The following WASHC4 variants were observed in gnomAD, a reference collection of about 807,000 sequenced individuals.
The protein encoded by WASHC4 is WASH complex subunit 7.
Under a neutral mutation model 166.6 loss-of-function variants are expected in WASHC4, and 86 were observed. The ratio of observed to expected loss-of-function variants is 0.52; its 90% CI spans 0.43 to 0.62. WASHC4 has a LOEUF of 0.62. WASHC4 is among the 20% of genes least tolerant of loss of function. The probability of loss-of-function intolerance (pLI) is 0.00; values close to 1 mark genes in which losing one functional copy is unlikely to be tolerated. For synonymous variants in WASHC4, 446 were observed against 451.6 expected, an observed-to-expected ratio of 0.99 and a Z score of 0.16; for missense variants, 1,262 against 1,382.4, an observed-to-expected ratio of 0.91 and a Z score of 1.38.
At chr12:105,166,153 T>A (rs1253483642) in intron 32 of WASHC4, among the ~76,000 whole-genome samples, 6 of 152,210 alleles carry the variant, frequency 3.9e-5, no homozygotes, top group African/African-American at 1.4e-4. Flanking sequence ...CTTAAGGAAC[T>A]CTCCAGAGTT....
chr12:105,115,532 A>G (rs1047189633), intron 5 of WASHC4, 129 bp from the exon 6 acceptor site: 2 of 700,036 alleles, frequency 2.9e-6, no homozygotes, highest in African/African-American at 1.8e-5. Flanking sequence ...TGGTGTAAAA[A>G]TTCTGTTTTC....
intron 6 of WASHC4, among the ~76,000 whole-genome samples, chr12:105,116,924 C>G (rs1049098028): frequency 6.6e-5 from 10 of 152,076 alleles, no homozygotes; most frequent in African/African-American, 1.9e-4. Flanking sequence ...GAAACTGATG[C>G]CTATGCTGAG....
At chr12:105,139,876 T>C (rs1882669620) in intron 15 of WASHC4, among the ~76,000 whole-genome samples, 1 of 152,112 alleles carries the variant, frequency 6.6e-6, no homozygotes, top group South Asian at 2.1e-4. Flanking sequence ...ATCAGTTCTA[T>C]ACTTTGTAAG....
chr12:105,136,205 G>A (rs961557231), intron 14 of WASHC4, among the ~76,000 whole-genome samples: 1 of 152,104 alleles, frequency 6.6e-6, no homozygotes, highest in East Asian at 1.9e-4. Context: ...AACCAGCTCC[G>A]ATGAGCCCCA....
chr12:105,139,724 C>A (rs1053137976), intron 15 of WASHC4, among the ~76,000 whole-genome samples: 1 of 151,462 alleles, frequency 6.6e-6, no homozygotes, highest in African/African-American at 2.4e-5. Context: ...CAAAATCTTT[C>A]ATTCATTTTG....
intron 1 of WASHC4, among the ~76,000 whole-genome samples, chr12:105,108,893 G>A (rs954856562): frequency 1.3e-5 from 2 of 152,192 alleles, no homozygotes; most frequent in Admixed American, 6.5e-5. Flanking sequence ...CTACATCCAG[G>A]ATGGGTTGCA....
Position 105,167,036 on chromosome 12 carries a change from C to A in WASHC4, c.*105C>A. On this transcript the variant is annotated 3_prime_UTR_variant, in exon 33 of 33. Transcript: ENST00000332180. ...ATGAATTGTTTCCTGGGTCACATCT[C>A]TGGAAAATAGATGTTACAGTTCTTA... 1 of 797,822 alleles carries A rather than the reference C, an allele frequency of 1.3e-6. No homozygotes were observed. Among genetic ancestry groups the A allele is most frequent in the South Asian group, 1.4e-5 (1 of 73,038 alleles). 49.4% of individuals were successfully genotyped at this position (797,822 alleles called of 1,614,324 possible).
Position 105,162,792 on chromosome 12 carries a change from T to C in WASHC4, c.3104T>C (p.Leu1035Ser). The change falls in exon 30 of 33, where the codon TTA becomes TCA. Residue 1035 changes from leucine to serine, a missense_variant. Coordinates refer to ENST00000332180, the MANE Select transcript of WASHC4 (RefSeq NM_015275.3). ...VEHSISCKEKLNKKNKIGAAF... is the reference protein window; with the variant it reads ...VEHSISCKEKSNKKNKIGAAF... ...CATTCCATTAGTTGCAAGGAAAAAT[T>C]AAATAAAAAAAATAAAATTGGAGCT... 1.2e-6 allele frequency: 2 copies of C among 1,604,844 alleles called. No individual in the cohort carries two copies. The highest frequency in any genetic ancestry group is 1.7e-6 in the Non-Finnish European group (2 of 1,173,614).
chr12:105,148,521 A>G, intron 24 of WASHC4: 1 of 985,404 alleles, frequency 1.0e-6, no homozygotes, highest in Non-Finnish European at 1.2e-6. Context: ...AAATGAGCAT[A>G]GAAGGATAGA....
intron 22 of WASHC4, 76 bp from the exon 23 acceptor site, chr12:105,146,374 TAA>T: frequency 1.1e-6 from 1 of 870,944 alleles, no homozygotes; most frequent in East Asian, 2.5e-5. Context: ...GTATAATCAA[TAA>T]GTCATTATGC....
In WASHC4 at chr12:105,167,311, A is replaced by G. The variant is rs776483359; in HGVS notation, c.*380A>G. 15 of 227,676 alleles carry G rather than the reference A, an allele frequency of 6.6e-5. No homozygotes were observed. The highest frequency in any genetic ancestry group is 1.1e-4 in the Non-Finnish European group (12 of 112,404). The allele number at this position is 227,676 out of a possible 1,614,324, so 14.1% of individuals were successfully genotyped here. On this transcript the variant is annotated 3_prime_UTR_variant, in exon 33 of 33. Coordinates refer to ENST00000332180, the MANE Select transcript of WASHC4 (RefSeq NM_015275.3). Reference sequence around the variant, plus strand: ...GTTATTTCAAGTCATGGGAAATTCAATGCATATACTATATACAGCCAGTAA... The same window carrying G: ...GTTATTTCAAGTCATGGGAAATTCAGTGCATATACTATATACAGCCAGTAA...
At chr12:105,124,458 A>G (rs1307792244) in intron 10 of WASHC4, among the ~76,000 whole-genome samples, 1 of 149,360 alleles carries the variant, frequency 6.7e-6, no homozygotes, top group East Asian at 2.0e-4. Context: ...TTTGCTGTTA[A>G]CCTCTAGGTT....
At position 105,151,855 on chromosome 12, in the gene WASHC4, C is replaced by A. The variant is rs1021130648; in HGVS notation, c.2650-488C>A. 2.0e-5 allele frequency among the ~76,000 whole-genome samples: 3 copies of A among 152,274 alleles called. No homozygotes were observed. In the South Asian group the frequency reaches 6.2e-4, roughly 32 times the overall value. On this transcript the variant is annotated intron_variant, in intron 25 of 32. Transcript: ENST00000332180. The stretch of plus-strand genomic sequence containing the variant: ...CATGCTATTATGTAAGAATTGCTTT[C>A]TTATTATTACAAAATGAATAATTTC...
At chr12:105,136,247 ATGT>A (rs980229685) in intron 14 of WASHC4, among the ~76,000 whole-genome samples, 3 of 152,030 alleles carry the variant, frequency 2.0e-5, no homozygotes, top group African/African-American at 4.8e-5. Flanking sequence ...TCCCTGTGAG[ATGT>A]TGTTGAAAGG....
intron 18 of WASHC4, 122 bp downstream of exon 18, chr12:105,141,368 ACTT>A (rs1882835144): frequency 2.5e-6 from 2 of 801,214 alleles, no homozygotes; most frequent in African/African-American, 3.4e-5. Flanking sequence ...CCTTTCTGTA[ACTT>A]CTTTAGCATG....
At chr12:105,116,410 A>G (rs1231855144) in intron 6 of WASHC4, among the ~76,000 whole-genome samples, 1 of 152,146 alleles carries the variant, frequency 6.6e-6, no homozygotes, top group Non-Finnish European at 1.5e-5. Context: ...GATCTAATTG[A>G]GAGCATTTTG....
intron 7 of WASHC4, among the ~76,000 whole-genome samples, chr12:105,119,624 G>A (rs1880529082): frequency 6.6e-6 from 1 of 152,104 alleles, no homozygotes; most frequent in African/African-American, 2.4e-5. Flanking sequence ...GAGAATGAGA[G>A]TATAGCTTCC....
chr12:105,144,777 G>A lies in WASHC4; in HGVS notation c.2239G>A (p.Asp747Asn). The change falls in exon 22 of 33, where the codon GAC (aspartate) becomes AAC (asparagine). Residue 747 changes from aspartate (D) to asparagine (N), a missense_variant. Transcript: ENST00000332180. ...FYNLTTVALH[D>N]WATYSEMRNL... is the part of the protein sequence containing the mutation. ...CAATCTAACAACTGTAGCCCTTCAT[G>A]ACTGGGCCACTTATAGTGAGATGAG... The A allele has an allele frequency of 6.2e-7, 1 of 1,611,568 alleles. No homozygotes were observed. The highest frequency in any genetic ancestry group is 2.2e-5 in the East Asian group (1 of 44,764).
At chr12:105,124,118 C>CTT (rs544937988) in intron 10 of WASHC4, among the ~76,000 whole-genome samples, 11 of 138,958 alleles carry the variant, frequency 7.9e-5, no homozygotes, top group Non-Finnish European at 9.4e-5. Context: ...GTAAATATAA[C>CTT]TTTTTTTTTT....
Sources: gnomAD v4.1 joint callset for allele counts (sites outside exome capture counted in the v4.1 genomes callset) on GRCh38, gnomAD v4.1.1 for gene constraint, MANE v1.5 for transcripts, NCBI Gene and HGNC (gene_info 2026-07-23, HGNC 2026-07-21) for gene names.